Variants in RUFY3 observed in about 807,000 individuals in gnomAD.
The protein encoded by RUFY3 is protein RUFY3.
Under a neutral mutation model 84.0 loss-of-function variants are expected in RUFY3, and 34 were observed. The observed-to-expected ratio is 0.40, with a 90% CI of 0.31 to 0.54. The LOEUF (loss-of-function observed/expected upper bound fraction) is 0.54, where lower values mean the gene tolerates loss of function less well. Ranked by LOEUF, RUFY3 falls within the 20% of genes least tolerant of loss-of-function variation. The probability of loss-of-function intolerance (pLI) is 0.39; values close to 1 mark genes in which losing one functional copy is unlikely to be tolerated. For missense variants in RUFY3, 507 were observed against 736.8 expected (o/e 0.69, Z 3.61); for synonymous variants, 242 against 252.9 (o/e 0.96, Z 0.41).
At chr4:70,802,877 C>G in intron 15 of RUFY3, 79 bp from the exon 16 acceptor site, 3 of 1,024,864 alleles carry the variant, frequency 2.9e-6, no homozygotes, top group Non-Finnish European at 4.4e-6. Flanking sequence ...TGTTTGTATT[C>G]TGAGCTTTTT....
intron 1 of RUFY3, among the ~76,000 whole-genome samples, chr4:70,735,981 T>G (rs1720215125): frequency 6.6e-6 from 1 of 151,304 alleles, no homozygotes; most frequent in African/African-American, 2.4e-5. Context: ...AGAGCAAAAC[T>G]TCATCTCAAA....
chr4:70,788,282 C>G (rs2148792314), intron 10 of RUFY3, among the ~76,000 whole-genome samples: 1 of 139,710 alleles, frequency 7.2e-6, no homozygotes, highest in East Asian at 2.1e-4. Flanking sequence ...GAGACTCTGT[C>G]TCAAAAAAAA....
At chr4:70,763,171 GT>G (rs892846232) in intron 2 of RUFY3, among the ~76,000 whole-genome samples, 4 of 151,614 alleles carry the variant, frequency 2.6e-5, no homozygotes, top group Non-Finnish European at 4.4e-5. Context: ...TTGTTTGATT[GT>G]TTTTTTTAAA....
intron 12 of RUFY3, chr4:70,792,226 G>T: frequency 1.0e-6 from 1 of 985,368 alleles, no homozygotes; most frequent in Non-Finnish European, 1.2e-6. Context: ...ATTCTGCCTG[G>T]CCTGTCATTT....
At chr4:70,742,505 G>T (rs900219981) in intron 1 of RUFY3, among the ~76,000 whole-genome samples, 2 of 152,048 alleles carry the variant, frequency 1.3e-5, no homozygotes, top group African/African-American at 4.8e-5. Context: ...CCCTCCGCCT[G>T]TGCCACCTGC....
intron 14 of RUFY3, among the ~76,000 whole-genome samples, chr4:70,797,225 G>A (rs140805704): frequency 0.012 from 1,882 of 152,194 alleles, 33 homozygotes; most frequent in South Asian, 0.056. Context: ...TGACAGGCAT[G>A]AGCCACCGTG....
At chr4:70,774,644 A>AAAAAAAAAAAATATATATATATAT (rs1553916771) in intron 6 of RUFY3, among the ~76,000 whole-genome samples, 1 of 56,686 alleles carries the variant, frequency 1.8e-5, no homozygotes, top group African/African-American at 8.4e-5. Flanking sequence ...AAAAAAAAAA[A>AAAAAAAAAAAATATATATATATAT]ATATATATAT....
At chr4:70,724,407 A>G (rs1717882044) in intron 1 of RUFY3, among the ~76,000 whole-genome samples, 1 of 152,226 alleles carries the variant, frequency 6.6e-6, no homozygotes, top group Non-Finnish European at 1.5e-5. Context: ...TAACAATTTT[A>G]ACACCTCAAA....
At chr4:70,778,585 T>TC in intron 8 of RUFY3, 147 bp downstream of exon 8, 1 of 497,728 alleles carries the variant, frequency 2.0e-6, no homozygotes, top group East Asian at 3.6e-5. Context: ...TTTTTTTTTT[T>TC]TTTTTTTTTT....
intron 1 of RUFY3, among the ~76,000 whole-genome samples, chr4:70,739,872 T>TC (rs1721029793): frequency 6.9e-6 from 1 of 145,646 alleles, no homozygotes; most frequent in South Asian, 2.2e-4. Flanking sequence ...ACGCCTATAA[T>TC]CCCAGCTACT....
At chr4:70,734,638 A>C (rs1161182967) in intron 1 of RUFY3, 1 of 874,336 alleles carries the variant, frequency 1.1e-6, no homozygotes, top group Non-Finnish European at 1.4e-6. Flanking sequence ...AAAATTCTAA[A>C]TCTGGGTGAG....
intron 1 of RUFY3, among the ~76,000 whole-genome samples, chr4:70,744,936 T>G (rs1347800652): frequency 2.6e-5 from 4 of 151,848 alleles, no homozygotes; most frequent in Admixed American, 1.3e-4. Context: ...ATTACAGACA[T>G]GAGCCACTGT....
chr4:70,788,964 T>G lies in RUFY3; in HGVS notation c.1230T>G (p.Phe410Leu). ...DLRALKHELAFKLQSSDLGVK... is the reference protein window; with the variant it reads ...DLRALKHELALKLQSSDLGVK... Reference sequence around the variant, plus strand: ...GAGCTCTCAAGCATGAACTTGCCTTTAAGCTGCAGGTAGGGGAAATATGAG... The same window carrying G: ...GAGCTCTCAAGCATGAACTTGCCTTGAAGCTGCAGGTAGGGGAAATATGAG... The change falls in exon 11 of 18, where the codon TTT becomes TTG. Residue 410 changes from phenylalanine to leucine, a missense_variant. Physicochemically the swap from Phe to Leu is conservative, Grantham distance 22. This residue lies in a region of RUFY3 where 334 missense variants were observed against 364.1 expected (regional missense o/e 0.92). Transcript: ENST00000381006. The G allele has an allele frequency of 6.2e-7, 1 of 1,614,068 alleles. No homozygotes were observed. The highest frequency in any genetic ancestry group is 1.3e-5 in the African/African-American group (1 of 75,056).
Position 70,773,238 on chromosome 4 carries a change from A to G in RUFY3, c.697-273A>G, listed in dbSNP as rs114263395. ...AGAATACCCGAAATAAGCAAAAGAGAAAGAAACTTTAGACCTTATTTATAT... is the reference window on the plus strand; with the variant it reads ...AGAATACCCGAAATAAGCAAAAGAGGAAGAAACTTTAGACCTTATTTATAT... On this transcript the variant is annotated intron_variant, in intron 5 of 17. Transcript: ENST00000381006. Among the ~76,000 whole-genome samples the G allele has an allele frequency of 3.0e-3, 458 of 152,350 alleles. 3 individuals carry two copies. The highest frequency in any genetic ancestry group is 0.011 in the African/African-American group (443 of 41,582).
chr4:70,732,362 C>T (rs551230524), intron 1 of RUFY3, among the ~76,000 whole-genome samples: 3 of 152,290 alleles, frequency 2.0e-5, no homozygotes, highest in Non-Finnish European at 4.4e-5. Context: ...TCGTAGATAT[C>T]CAACAAACTT....
intron 4 of RUFY3, among the ~76,000 whole-genome samples, chr4:70,767,193 G>A (rs1371466108): frequency 6.8e-6 from 1 of 147,990 alleles, no homozygotes; most frequent in African/African-American, 2.5e-5. Context: ...TCAAGTGATT[G>A]TCCTGCCTCA....
intron 14 of RUFY3, among the ~76,000 whole-genome samples, chr4:70,797,076 G>A (rs1018053182): frequency 6.6e-6 from 1 of 151,810 alleles, no homozygotes; most frequent in African/African-American, 2.4e-5. Context: ...GAGTAGCTGG[G>A]ACTGTAGGCA....
rs1343588086 is a variant in RUFY3, at chr4:70,775,358, C to T, written c.824+125C>T. On this transcript the variant is annotated intron_variant, in intron 7 of 17. Coordinates refer to ENST00000381006, the MANE Select transcript of RUFY3 (RefSeq NM_001037442.4). ...CAAATATATGTAGAATTCCTGTTTG[C>T]CAGGCACTGAGTTAGGCACTAGATA... is the stretch of plus-strand genomic sequence containing the variant. 12 of 572,994 alleles carry T rather than the reference C, an allele frequency of 2.1e-5. No individual in the cohort carries two copies. In the East Asian group the frequency reaches 2.3e-4, roughly 11 times the overall value. 35.5% of individuals were successfully genotyped at this position (572,994 alleles called of 1,614,324 possible).
chr4:70,754,133 G>T (rs1723592985), intron 1 of RUFY3, among the ~76,000 whole-genome samples: 1 of 151,786 alleles, frequency 6.6e-6, no homozygotes, highest in East Asian at 1.9e-4. Context: ...GCTCACTGCA[G>T]TTTCTGCCTG....
Sources: gnomAD v4.1 joint callset for allele counts (sites outside exome capture counted in the v4.1 genomes callset) on GRCh38, gnomAD v4.1.1 for gene constraint, gnomAD v4.1.1 regional missense constraint, MANE v1.5 for transcripts, NCBI Gene and HGNC (gene_info 2026-07-23, HGNC 2026-07-21) for gene names.